ATP10A: variants seen among roughly 807,000 people sequenced by gnomAD.
ATP10A encodes the protein phospholipid-transporting ATPase VA.
Under a neutral mutation model 147.8 loss-of-function variants are expected in ATP10A, and 111 were observed. The ratio of observed to expected loss-of-function variants is 0.75; its 90% CI spans 0.64 to 0.88. The LOEUF is 0.88. Among genes scored for constraint, ATP10A ranks in the 40% least tolerant of loss-of-function variants. ATP10A has a pLI of 0.00. For synonymous variants in ATP10A, 875 were observed against 841.6 expected, an observed-to-expected ratio of 1.04 and a Z score of -0.69; for missense variants, 1,927 against 1,959.0, an observed-to-expected ratio of 0.98 and a Z score of 0.31.
Position 25,780,180 on chromosome 15 carries a change from C to T in ATP10A, c.654+839G>A, listed in dbSNP as rs544127134. 3.4e-4 allele frequency among the ~76,000 whole-genome samples: 52 copies of T among 152,344 alleles called. No individual in the cohort carries two copies. The East Asian group carries it at 3.7e-3, about 11-fold the overall frequency. On this transcript the variant is annotated intron_variant, in intron 2 of 20. Coordinates refer to ENST00000555815, the MANE Select transcript of ATP10A (RefSeq NM_024490.4). ...AAGCCCGATGGGCTGGTGCCGAGGCCGATGGGGGAGGGCACTGTCTGATAG... is the reference window on the plus strand; with the variant it reads ...AAGCCCGATGGGCTGGTGCCGAGGCTGATGGGGGAGGGCACTGTCTGATAG...
chr15:25,834,948 T>C (rs913390582), intron 1 of ATP10A, among the ~76,000 whole-genome samples: 6 of 152,078 alleles, frequency 3.9e-5, no homozygotes, highest in Non-Finnish European at 5.9e-5. Flanking sequence ...AGCTAAGGAA[T>C]ATGGGGCTCA....
chr15:25,839,020 G>A (rs1329894655), intron 1 of ATP10A, among the ~76,000 whole-genome samples: 2 of 152,130 alleles, frequency 1.3e-5, no homozygotes, highest in African/African-American at 4.8e-5. Flanking sequence ...TCTCTTTGGT[G>A]TCCATTTCTC....
intron 2 of ATP10A, among the ~76,000 whole-genome samples, chr15:25,771,131 C>T (rs747824035): frequency 5.9e-5 from 9 of 152,154 alleles, no homozygotes; most frequent in Non-Finnish European, 1.3e-4. Flanking sequence ...CCCCGTGTTG[C>T]AAGTGCTGGC....
Position 25,716,911 on chromosome 15 carries a change from G to T in ATP10A, c.1595C>A (p.Thr532Lys). The T allele has an allele frequency of 6.3e-7, 1 of 1,577,446 alleles. No homozygotes were observed. The change falls in exon 9 of 21, where the codon ACG becomes AAG. Residue 532 changes from threonine (T) to lysine (K), a missense_variant. Thr to Lys is a moderately conservative substitution (Grantham distance 78). Transcript: ENST00000555815. ...AFSSPMEKDITPDPKLLEKVS... is the reference protein window; with the variant it reads ...AFSSPMEKDIKPDPKLLEKVS... ...CTTCTCCAGCAGCTTTGGGTCGGGC[G>T]TGATATCCTTCTCCTGGGAGAAAGG...
intron 14 of ATP10A, among the ~76,000 whole-genome samples, chr15:25,693,998 A>G (rs1219897739): frequency 6.6e-6 from 1 of 151,916 alleles, no homozygotes; most frequent in Non-Finnish European, 1.5e-5. Context: ...CTCACCTAGG[A>G]GTAGATTCTA....
At chr15:25,694,691 C>T (rs1045249275) in intron 14 of ATP10A, 128 bp downstream of exon 14, 1 of 865,614 alleles carries the variant, frequency 1.2e-6, no homozygotes, top group Non-Finnish European at 1.7e-6. Flanking sequence ...CTCTATCACA[C>T]TGGGTGTGAT....
intron 3 of ATP10A, among the ~76,000 whole-genome samples, chr15:25,734,858 G>A (rs994447608): frequency 2.0e-5 from 3 of 152,136 alleles, no homozygotes; most frequent in East Asian, 1.9e-4. Context: ...CAGCCCTACC[G>A]CCTGCCACTG....
At chr15:25,712,178 G>C (rs1237074405) in intron 10 of ATP10A, among the ~76,000 whole-genome samples, 1 of 152,208 alleles carries the variant, frequency 6.6e-6, no homozygotes, top group Non-Finnish European at 1.5e-5. Flanking sequence ...AATTTTTTGG[G>C]GGGGACGGGG....
intron 12 of ATP10A, among the ~76,000 whole-genome samples, chr15:25,703,775 C>A (rs1390585505): frequency 1.3e-5 from 2 of 152,206 alleles, no homozygotes; most frequent in Non-Finnish European, 2.9e-5. Flanking sequence ...CCCAGAAGAC[C>A]CCCTCAGGGG....
chr15:25,831,562 T>G (rs1892358487), intron 1 of ATP10A, among the ~76,000 whole-genome samples: 1 of 152,196 alleles, frequency 6.6e-6, no homozygotes, highest in South Asian at 2.1e-4. Context: ...CTTCACAGAT[T>G]CAGCTAAATA....
chr15:25,777,472 T>C (rs182822204), intron 2 of ATP10A, among the ~76,000 whole-genome samples: 6 of 152,200 alleles, frequency 3.9e-5, no homozygotes, highest in Admixed American at 2.6e-4. Flanking sequence ...CCTAAGTACC[T>C]TTCCTGCCAT....
chr15:25,785,385 A>T (rs189779675), intron 1 of ATP10A, among the ~76,000 whole-genome samples: 198 of 152,326 alleles, frequency 1.3e-3, no homozygotes, highest in African/African-American at 4.6e-3. Flanking sequence ...AGGAGGACCC[A>T]TCCTGCCCAC....
chr15:25,691,949 G>A (rs1900061973), intron 14 of ATP10A, among the ~76,000 whole-genome samples, 158 bp from the exon 15 acceptor site: 1 of 152,194 alleles, frequency 6.6e-6, no homozygotes, highest in South Asian at 2.1e-4. Context: ...CACCCTGGGA[G>A]AATAGAGTTA....
At chr15:25,686,012 C>T (rs553440469) in intron 16 of ATP10A, among the ~76,000 whole-genome samples, 1 of 152,100 alleles carries the variant, frequency 6.6e-6, no homozygotes, top group Non-Finnish European at 1.5e-5. Context: ...GGATTTAATG[C>T]CAGGGCTGGG....
intron 2 of ATP10A, among the ~76,000 whole-genome samples, chr15:25,748,129 A>AT (rs1305776653): frequency 1.3e-5 from 2 of 151,962 alleles, no homozygotes; most frequent in African/African-American, 4.8e-5. Flanking sequence ...CACCCGGCTA[A>AT]TTTTTTGTAT....
rs1159340385 is a variant in ATP10A, at chr15:25,758,837, ACTCATTCCGATCACCTGCTCCACC to A, written c.654+22158_654+22181del. On this transcript the variant is annotated intron_variant, in intron 2 of 20. Transcript: ENST00000555815. ...CATTCCGACCACCTGCTCCACCCTA[ACTCATTCCGATCACCTGCTCCACC>A]CTCATTCCGACCACCTGCTCCACCC... Among the ~76,000 whole-genome samples the A allele has an allele frequency of 9.2e-4, 113 of 122,958 alleles. 5 individuals carry two copies. The highest frequency in any genetic ancestry group is 3.0e-3 in the African/African-American group (79 of 26,244). The allele number at this position is 122,958 out of a possible 152,430, so 80.7% of individuals were successfully genotyped here. A position where few individuals can be genotyped will look rare whatever the true frequency, so the allele number is the denominator to read the frequency against.
At chr15:25,685,824 TAA>T (rs34929669) in intron 16 of ATP10A, among the ~76,000 whole-genome samples, 43,481 of 139,118 alleles carry the variant, frequency 0.31, 7,060 homozygotes, top group African/African-American at 0.42. Flanking sequence ...ACCCTGTCTT[TAA>T]AAAAAAAAAA....
chr15:25,757,062 A>G (rs557669729), intron 2 of ATP10A, among the ~76,000 whole-genome samples: 1 of 152,238 alleles, frequency 6.6e-6, no homozygotes, highest in Non-Finnish European at 1.5e-5. Flanking sequence ...GTAACTTAAA[A>G]CCTTCAAGTG....
intron 1 of ATP10A, among the ~76,000 whole-genome samples, chr15:25,822,252 C>T (rs912541451): frequency 1.3e-5 from 2 of 152,092 alleles, no homozygotes; most frequent in African/African-American, 4.8e-5. Flanking sequence ...CCCATGGATA[C>T]GGAGGGCTGG....
Sources: allele counts gnomAD v4.1 joint callset (sites outside exome capture counted in the v4.1 genomes callset), GRCh38; gene constraint gnomAD v4.1.1; transcripts MANE v1.5; gene names NCBI Gene and HGNC (gene_info 2026-07-23, HGNC 2026-07-21).